ARFGAP1: variants seen among roughly 807,000 people sequenced by gnomAD.
ARFGAP1 encodes ARF GTPase activating protein 1.
ARFGAP1 carries 26 observed loss-of-function variants against 54.0 expected under a neutral mutation model. The ratio of observed to expected loss-of-function variants is 0.48; its 90% confidence interval spans 0.35 to 0.67. The LOEUF (loss-of-function observed/expected upper bound fraction) is 0.67. ARFGAP1 is among the 30% of genes least tolerant of loss of function. ARFGAP1 has a pLI of 0.00. For synonymous variants in ARFGAP1, 248 were observed against 211.9 expected, an observed-to-expected ratio of 1.17 and a Z score of -1.48; for missense variants, 525 against 535.8, an observed-to-expected ratio of 0.98 and a Z score of 0.20.
chr20:63,276,677 GC>G lies in ARFGAP1; in HGVS notation c.342+29del. The G allele has an allele frequency of 6.3e-7, 1 of 1,582,338 alleles. No homozygotes were observed. The highest frequency in any genetic ancestry group is 8.6e-7 in the Non-Finnish European group (1 of 1,162,206). ...GTAGAGATGGGCCCGATTCACTCTT[GC>G]CCATGGTGTGGGGCTGCCCTGCCGT... On this transcript the variant is annotated intron_variant, in intron 4 of 12. Transcript: ENST00000370283. This position sits in a 1 kb window ranked among gnomAD's most constrained non-coding sequence, Gnocchi z 5.2.
intron 9 of ARFGAP1, chr20:63,284,517 G>T (rs1365984507): frequency 1.3e-5 from 15 of 1,178,020 alleles, no homozygotes; most frequent in Non-Finnish European, 1.6e-5. Flanking sequence ...TTGCAGGTCA[G>T]CATGGGGTGG....
chr20:63,287,901 C>A lies in ARFGAP1; in HGVS notation c.*28C>A, dbSNP rs1464799680. 2.0e-6 allele frequency: 3 copies of A among 1,476,470 alleles called. No individual in the cohort carries two copies. The South Asian group carries it at 3.9e-5, about 19-fold the overall frequency. 91.5% of individuals were successfully genotyped at this position (1,476,470 alleles called of 1,614,324 possible). Reference sequence around the variant, plus strand: ...CCCACTGCGCCCCCGTCCCCAGCGCCCCCGGGCGACTTCGTGTTTGCACTC... The same window carrying A: ...CCCACTGCGCCCCCGTCCCCAGCGCACCCGGGCGACTTCGTGTTTGCACTC... On this transcript the variant is annotated 3_prime_UTR_variant, in exon 13 of 13. Coordinates refer to ENST00000370283, the MANE Select transcript of ARFGAP1 (RefSeq NM_018209.4).
intron 9 of ARFGAP1, chr20:63,283,655 G>T: frequency 1.8e-6 from 1 of 548,322 alleles, no homozygotes; most frequent in Non-Finnish European, 3.2e-6. Flanking sequence ...CTGAGGTGCA[G>T]TCGCTCGCGC....
At chr20:63,278,818 G>T in intron 6 of ARFGAP1, 81 bp from the exon 7 acceptor site, 2 of 1,391,818 alleles carry the variant, frequency 1.4e-6, no homozygotes, top group Non-Finnish European at 2.0e-6. Flanking sequence ...CCCCAGCCTT[G>T]CCTGTGTTCA....
At position 63,288,220 on chromosome 20, in the gene ARFGAP1, C is replaced by T. The variant is rs957396464; in HGVS notation, c.*347C>T. 2.0e-5 allele frequency: 11 copies of T among 558,050 alleles called. No individual in the cohort carries two copies. Among genetic ancestry groups the T allele is most frequent in the Admixed American group, 1.5e-4 (7 of 45,244 alleles). 34.6% of individuals were successfully genotyped at this position (558,050 alleles called of 1,614,324 possible). On this transcript the variant is annotated 3_prime_UTR_variant, in exon 13 of 13. Transcript: ENST00000370283. ...CAGCGGCCAGTTCACTACGCAGTAT[C>T]TCTGGGGCCTGGGACCAGCCACGTG...
chr20:63,284,307 G>T, intron 9 of ARFGAP1: 1 of 1,079,036 alleles, frequency 9.3e-7, no homozygotes, highest in Non-Finnish European at 1.1e-6. Context: ...TCCGGCCTTT[G>T]ATCCGTGCTG....
intron 7 of ARFGAP1, 77 bp from the exon 8 acceptor site, chr20:63,281,214 C>T: frequency 6.8e-7 from 1 of 1,479,682 alleles, no homozygotes; most frequent in Non-Finnish European, 9.2e-7. Context: ...GGTCCTCTTC[C>T]TTGCTGAGAT....
At chr20:63,282,750 G>T in intron 8 of ARFGAP1, 69 bp from the exon 9 acceptor site, 2 of 1,547,818 alleles carry the variant, frequency 1.3e-6, no homozygotes, top group Non-Finnish European at 1.8e-6. Flanking sequence ...TGAGTCTGTG[G>T]GCCCTGAGGA....
At chr20:63,283,505 G>A (rs2123285068) in intron 9 of ARFGAP1, 2 of 332,248 alleles carry the variant, frequency 6.0e-6, no homozygotes, top group Non-Finnish European at 1.1e-5. Flanking sequence ...CCCCCTGGGC[G>A]AGGGTGTCCT....
At position 63,287,883 on chromosome 20, in the gene ARFGAP1, C is replaced by T. The variant is rs559105587; in HGVS notation, c.*10C>T. ...CAACCAGAACTGGTAGGGCCCACTG[C>T]GCCCCCGTCCCCAGCGCCCCCGGGC... On this transcript the variant is annotated 3_prime_UTR_variant, in exon 13 of 13. Coordinates refer to ENST00000370283, the MANE Select transcript of ARFGAP1 (RefSeq NM_018209.4). 2.0e-5 allele frequency: 30 copies of T among 1,503,952 alleles called. No individual in the cohort carries two copies. Among genetic ancestry groups the T allele is most frequent in the East Asian group, 9.8e-5 (4 of 40,864 alleles). 93.2% of individuals were successfully genotyped at this position (1,503,952 alleles called of 1,614,324 possible).
chr20:63,279,712 T>C (rs978779535), intron 7 of ARFGAP1, among the ~76,000 whole-genome samples: 2 of 152,192 alleles, frequency 1.3e-5, no homozygotes, highest in Non-Finnish European at 2.9e-5. Flanking sequence ...CAGGGCCATT[T>C]CTGGTCTGGG....
chr20:63,278,193 T>C lies in ARFGAP1; in HGVS notation c.520T>C (p.Ser174Pro). 1 of 1,613,356 alleles carries C rather than the reference T, an allele frequency of 6.2e-7. No individual in the cohort carries two copies. Among genetic ancestry groups the C allele is most frequent in the Non-Finnish European group, 8.5e-7 (1 of 1,179,856 alleles). ...AGACTGGCTGAATGATGACCTCGGC[T>C]CCTATCAAGGGTAAGGACTTGAGAG... Reference protein sequence around the residue: ...FEDWLNDDLGSYQGAQGNRYV... With the variant: ...FEDWLNDDLGPYQGAQGNRYV... Residue 174 changes from serine (S) to proline (P), a missense_variant, in exon 6 of 13, where the codon TCC becomes CCC. Coordinates refer to ENST00000370283, the MANE Select transcript of ARFGAP1 (RefSeq NM_018209.4).
chr20:63,276,576 T>G lies in ARFGAP1; in HGVS notation c.267T>G (p.Ser89=). ...GNAKFREFLE[S]QEDYDPCWSL... ...CTAAGTTCCGAGAGTTCCTGGAGTC[T>G]CAGGAGGATTACGATCCTTGCTGGT... Residue 89 remains serine (S), a synonymous_variant, in exon 4 of 13, where the codon TCT becomes TCG. Transcript: ENST00000370283. This position sits in a 1 kb window ranked among gnomAD's most constrained non-coding sequence, Gnocchi z 5.2. The G allele has an allele frequency of 6.2e-7, 1 of 1,614,010 alleles. No homozygotes were observed.
Position 63,276,347 on chromosome 20 carries a change from A to G in ARFGAP1, c.171-133A>G. The G allele has an allele frequency of 1.5e-6, 2 of 1,376,690 alleles. No homozygotes were observed. Among genetic ancestry groups the G allele is most frequent in the Admixed American group, 3.9e-5 (2 of 50,984 alleles). The allele number at this position is 1,376,690 out of a possible 1,614,324, so 85.3% of individuals were successfully genotyped here. A position where few individuals can be genotyped will look rare whatever the true frequency, so the allele number is the denominator to read the frequency against. Reference sequence around the variant, plus strand: ...CCACTCTAGTGACGCCATGGCACAGAGTTCCAGCTGCTGGCCACTCAGCCT... The same window carrying G: ...CCACTCTAGTGACGCCATGGCACAGGGTTCCAGCTGCTGGCCACTCAGCCT... On this transcript the variant is annotated intron_variant, in intron 3 of 12. Transcript: ENST00000370283. This position sits in a 1 kb window ranked among gnomAD's most constrained non-coding sequence, Gnocchi z 5.2.
At chr20:63,282,506 C>T (rs2123276385) in intron 8 of ARFGAP1, among the ~76,000 whole-genome samples, 1 of 152,372 alleles carries the variant, frequency 6.6e-6, no homozygotes, top group South Asian at 2.1e-4. Flanking sequence ...CTCCAGCAGG[C>T]CCCGGCCCTG....
At position 63,289,747 on chromosome 20, in the gene ARFGAP1, G is replaced by A. The variant is rs2067662419; in HGVS notation, c.*1874G>A. On this transcript the variant is annotated 3_prime_UTR_variant, in exon 13 of 13. Coordinates refer to ENST00000370283, the MANE Select transcript of ARFGAP1 (RefSeq NM_018209.4). ...CTGTGTGTGAGGGCCCAGGTGGAAG[G>A]CGCGGACCTGACAGCATTCCAATAA... is the stretch of plus-strand genomic sequence containing the variant. 1 of 152,330 alleles carries A rather than the reference G, an allele frequency of 6.6e-6. No homozygotes were observed. The highest frequency in any genetic ancestry group is 2.1e-4 in the South Asian group (1 of 4,830). 9.4% of individuals were successfully genotyped at this position (152,330 alleles called of 1,614,324 possible).
In ARFGAP1 at chr20:63,285,697, C is replaced by CT. The variant is rs2067516102; in HGVS notation, c.819dup (p.Gln274SerfsTer11). ...TTTGATGATGTCTCCAGTGGGGTCT[C>CT]TCAGTTGGCGTCCAAGGTAGGGAGC... On this transcript the variant is annotated frameshift_variant, in exon 11 of 13. Transcript: ENST00000370283. LOFTEE classifies it high-confidence loss of function. 4.3e-6 allele frequency: 7 copies of CT among 1,613,542 alleles called. No homozygotes were observed. Among genetic ancestry groups the CT allele is most frequent in the Non-Finnish European group, 5.9e-6 (7 of 1,180,014 alleles).
At position 63,282,799 on chromosome 20, in the gene ARFGAP1, G is replaced by T. The variant is rs1464993541; in HGVS notation, c.685-20G>T. 3.3e-5 allele frequency: 53 copies of T among 1,613,892 alleles called. No individual in the cohort carries two copies. The highest frequency in any genetic ancestry group is 4.5e-5 in the Non-Finnish European group (53 of 1,179,934). The stretch of plus-strand genomic sequence containing the variant: ...GCCCATGTTAAGTCTGTCAAGCCTT[G>T]TCTTTGTTTTTCATTTTAGGCTACA... On this transcript the variant is annotated intron_variant, in intron 8 of 12. Transcript: ENST00000370283.
At chr20:63,285,376 C>T (rs2067503802) in intron 10 of ARFGAP1, 6 of 542,016 alleles carry the variant, frequency 1.1e-5, no homozygotes. Context: ...TGGGGAAGAC[C>T]CACCTGGGGC....
Sources: allele counts gnomAD v4.1 joint callset (sites outside exome capture counted in the v4.1 genomes callset), GRCh38; gene constraint gnomAD v4.1.1; non-coding constraint Gnocchi (gnomAD v3.1); transcripts MANE v1.5; gene names NCBI Gene and HGNC (gene_info 2026-07-23, HGNC 2026-07-21).